The following PPIL2 variants were observed in gnomAD, a reference collection of about 807,000 sequenced individuals.
PPIL2 encodes the protein peptidylprolyl isomerase like 2.
PPIL2 carries 50 observed loss-of-function variants against 75.2 expected under a neutral mutation model. The observed-to-expected ratio is 0.66, with a 90% CI of 0.53 to 0.84. The LOEUF is 0.84. PPIL2 is among the 40% of genes least tolerant of loss of function. PPIL2 has a pLI of 0.00. For synonymous variants in PPIL2, 245 were observed against 258.8 expected (o/e 0.95, Z 0.51); for missense variants, 590 against 685.0 (o/e 0.86, Z 1.55).
At position 21,688,766 on chromosome 22, in the gene PPIL2, C is replaced by G; in HGVS notation, c.1056C>G (p.Asp352Glu). ...CATACTGGGGGAAGCCCTTCAAAGA[C>G]GAGTTCCGGCCCAACCTCTCGCACA... is the stretch of plus-strand genomic sequence containing the variant. ...GESYWGKPFK[D>E]EFRPNLSHTG... The change falls in exon 15 of 20, where the codon GAC becomes GAG. Residue 352 changes from aspartate (D) to glutamate (E), a missense_variant. By Grantham distance (45) the Asp-to-Glu change is conservative (BLOSUM62 2). Transcript: ENST00000398831. 4.3e-6 allele frequency: 7 copies of G among 1,614,206 alleles called. No homozygotes were observed. The highest frequency in any genetic ancestry group is 5.9e-6 in the Non-Finnish European group (7 of 1,180,018).
chr22:21,684,770 C>T lies in PPIL2; in HGVS notation c.571C>T (p.Gln191Ter). The T allele has an allele frequency of 6.2e-7, 1 of 1,614,094 alleles. No homozygotes were observed. The highest frequency in any genetic ancestry group is 1.3e-5 in the African/African-American group (1 of 75,042). The stretch of plus-strand genomic sequence containing the variant: ...TTTTGTAGATGAAGAGAAGGCCAAA[C>T]AGGACCCGTCTTATTATCTGAAAAA... ...IIDPDEEKAK[Q>*]DPSYYLKNTN... The change falls in exon 10 of 20, where the codon CAG becomes TAG. Residue 191 changes from glutamine (Q) to a stop codon, truncating the protein, a stop_gained. Transcript: ENST00000398831. LOFTEE classifies it high-confidence loss of function.
At chr22:21,692,509 T>C (rs2067717086) in intron 15 of PPIL2, among the ~76,000 whole-genome samples, 1 of 151,850 alleles carries the variant, frequency 6.6e-6, no homozygotes, top group African/African-American at 2.4e-5. Context: ...TTGCGTTCTA[T>C]GATCTTGTTG....
intron 14 of PPIL2, 102 bp downstream of exon 14, chr22:21,688,208 G>C: frequency 4.1e-6 from 6 of 1,455,430 alleles, no homozygotes; most frequent in Non-Finnish European, 5.7e-6. Context: ...CATGGAATCT[G>C]CTAGACCAGG....
intron 3 of PPIL2, 179 bp from the exon 4 acceptor site, chr22:21,670,818 G>T: frequency 1.2e-6 from 1 of 841,912 alleles, no homozygotes; most frequent in East Asian, 2.4e-5. Flanking sequence ...ACCTTCACCA[G>T]GGGTGGCACA....
Position 21,695,002 on chromosome 22 carries a change from C to T in PPIL2, c.1398C>T (p.Pro466=), listed in dbSNP as rs201557432. Residue 466 remains proline (P), a synonymous_variant, in exon 19 of 20, where the codon CCC becomes CCT. Coordinates refer to ENST00000398831, the MANE Select transcript of PPIL2 (RefSeq NM_014337.4). ...APETKVKSSQ[P]QAGSQGPQTF... The stretch of plus-strand genomic sequence containing the variant: ...AGACCAAAGTGAAGAGCAGCCAGCC[C>T]CAGGCAGGGAGCCAGGGCCCCCAGA... The T allele has an allele frequency of 1.3e-5, 21 of 1,613,666 alleles. No individual in the cohort carries two copies. The highest frequency in any genetic ancestry group is 2.7e-5 in the African/African-American group (2 of 75,068).
chr22:21,676,528 T>C (rs906564583), intron 6 of PPIL2, among the ~76,000 whole-genome samples: 7 of 151,730 alleles, frequency 4.6e-5, no homozygotes, highest in African/African-American at 1.7e-4. Flanking sequence ...AGTGTTTGTG[T>C]CCCTGGGTAC....
intron 7 of PPIL2, 68 bp from the exon 8 acceptor site, chr22:21,682,369 C>G: frequency 7.2e-7 from 1 of 1,393,672 alleles, no homozygotes; most frequent in Non-Finnish European, 1.0e-6. Flanking sequence ...CTCCAGGCCT[C>G]CCTGCTTGCA....
At chr22:21,685,563 TC>T in intron 10 of PPIL2, 1 of 397,660 alleles carries the variant, frequency 2.5e-6, no homozygotes, top group Non-Finnish European at 4.8e-6. Flanking sequence ...AAGCTTGTTG[TC>T]CAGTGTGTCA....
Position 21,697,164 on chromosome 22 carries a change from C to A in PPIL2, c.*1674C>A. The stretch of plus-strand genomic sequence containing the variant: ...ACTGGCTTGTAAGAGGCTCAGACAC[C>A]AAGCTGGGCCTGCAGAGGAGGGGCA... On this transcript the variant is annotated 3_prime_UTR_variant, in exon 20 of 20. Coordinates refer to ENST00000398831, the MANE Select transcript of PPIL2 (RefSeq NM_014337.4). The A allele has an allele frequency of 1.5e-6, 1 of 663,356 alleles. No individual in the cohort carries two copies. Among genetic ancestry groups the A allele is most frequent in the Non-Finnish European group, 2.5e-6 (1 of 394,362 alleles). 41.1% of individuals were successfully genotyped at this position (663,356 alleles called of 1,614,324 possible).
intron 15 of PPIL2, 93 bp from the exon 16 acceptor site, chr22:21,693,723 G>C: frequency 7.9e-7 from 1 of 1,265,010 alleles, no homozygotes; most frequent in Non-Finnish European, 1.2e-6. Context: ...CCCAGAGCTG[G>C]CTGTAGAGGG....
chr22:21,694,472 G>T, intron 16 of PPIL2, 121 bp from the exon 17 acceptor site: 2 of 1,101,588 alleles, frequency 1.8e-6, no homozygotes, highest in Admixed American at 2.0e-5. Context: ...CCTGGCTGCT[G>T]CCCAAGGACC....
chr22:21,694,492 G>C (rs922956853), intron 16 of PPIL2, 101 bp from the exon 17 acceptor site: 2 of 1,356,574 alleles, frequency 1.5e-6, no homozygotes, highest in Non-Finnish European at 2.1e-6. Flanking sequence ...CACCAGGCCA[G>C]CCTCGGGGCT....
rs761444402 is a variant in PPIL2, at chr22:21,695,377, GCTT to G, written c.1467-11_1467-9del. The G allele has an allele frequency of 1.6e-5, 25 of 1,590,332 alleles. No individual in the cohort carries two copies. The highest frequency in any genetic ancestry group is 2.3e-5 in the South Asian group (2 of 87,664). On this transcript the variant is annotated splice_polypyrimidine_tract_variant and intron_variant, in intron 19 of 19. Coordinates refer to ENST00000398831, the MANE Select transcript of PPIL2 (RefSeq NM_014337.4). ...TGAGGGAGGGTGTGGGCTCCCAGCG[GCTT>G]CTTCTCTTCCCAGGAAGCGAGCAGC...
At chr22:21,669,585 C>T (rs1264027106) in intron 1 of PPIL2, among the ~76,000 whole-genome samples, 1 of 152,144 alleles carries the variant, frequency 6.6e-6, no homozygotes, top group African/African-American at 2.4e-5. Context: ...ACTGCAACCT[C>T]CGCCTCCCGG....
At chr22:21,684,603 C>G (rs866709784) in intron 9 of PPIL2, 150 bp from the exon 10 acceptor site, 2 of 907,120 alleles carry the variant, frequency 2.2e-6, no homozygotes, top group Non-Finnish European at 1.6e-6. Flanking sequence ...AGGCCTGTAG[C>G]GGGGCACTGT....
Position 21,681,398 on chromosome 22 carries a change from C to G in PPIL2, c.387+8C>G. The G allele has an allele frequency of 6.2e-7, 1 of 1,607,424 alleles. No homozygotes were observed. Among genetic ancestry groups the G allele is most frequent in the Non-Finnish European group, 8.5e-7 (1 of 1,173,926 alleles). Reference sequence around the variant, plus strand: ...AACGTCTACGCCTATGAGGTGTGTCCTCGCTCCGGGGCGTGGAGACAGCGG... The same window carrying G: ...AACGTCTACGCCTATGAGGTGTGTCGTCGCTCCGGGGCGTGGAGACAGCGG... On this transcript the variant is annotated splice_region_variant and intron_variant, in intron 7 of 19. Transcript: ENST00000398831.
Position 21,697,085 on chromosome 22 carries a change from C to A in PPIL2, c.*1595C>A. The A allele has an allele frequency of 7.9e-7, 1 of 1,270,668 alleles. No homozygotes were observed. Among genetic ancestry groups the A allele is most frequent in the Non-Finnish European group, 1.1e-6 (1 of 924,218 alleles). The allele number at this position is 1,270,668 out of a possible 1,614,324, so 78.7% of individuals were successfully genotyped here. On this transcript the variant is annotated 3_prime_UTR_variant, in exon 20 of 20. Coordinates refer to ENST00000398831, the MANE Select transcript of PPIL2 (RefSeq NM_014337.4). ...CTCTAGAGTGACTTTTGACGCCCTC[C>A]ATCCCTCCCGCCAGGCACTGTCCTC...
At chr22:21,678,109 T>G (rs978251349) in intron 6 of PPIL2, among the ~76,000 whole-genome samples, 4 of 152,062 alleles carry the variant, frequency 2.6e-5, no homozygotes, top group Non-Finnish European at 5.9e-5. Flanking sequence ...AGAGCAGTCC[T>G]GTGGGGCCTG....
At chr22:21,667,202 G>A (rs1233687171) in intron 1 of PPIL2, among the ~76,000 whole-genome samples, 1 of 132,906 alleles carries the variant, frequency 7.5e-6, no homozygotes, top group African/African-American at 2.9e-5. Flanking sequence ...TGTTGCCCAA[G>A]CTAGAGTGCA....
Sources: gnomAD v4.1 joint callset for allele counts (sites outside exome capture counted in the v4.1 genomes callset) on GRCh38, gnomAD v4.1.1 for gene constraint, MANE v1.5 for transcripts, NCBI Gene and HGNC (gene_info 2026-07-23, HGNC 2026-07-21) for gene names.